NFATC4: variants seen among roughly 807,000 people sequenced by gnomAD.
NFATC4 encodes nuclear factor of activated T cells 4, also known as nuclear factor of activated T-cells, cytoplasmic 4.
A neutral mutation model predicts 73.4 loss-of-function variants in NFATC4; 25 were observed. The ratio of observed to expected loss-of-function variants is 0.34; its 90% CI spans 0.25 to 0.48. The LOEUF is 0.48. NFATC4 is among the 20% of genes least tolerant of loss of function. The pLI is 0.99. For missense variants in NFATC4, 1,130 were observed against 1,203.7 expected (o/e 0.94, Z 0.91); for synonymous variants, 523 against 510.3 (o/e 1.02, Z -0.34).
At position 24,376,794 on chromosome 14, in the gene NFATC4, G is replaced by T. The variant is rs751493993; in HGVS notation, c.2557G>T (p.Ala853Ser). 1.2e-6 allele frequency: 2 copies of T among 1,610,736 alleles called. No homozygotes were observed. Among genetic ancestry groups the T allele is most frequent in the East Asian group, 2.2e-5 (1 of 44,872 alleles). ...VGPGYGPGEG[A>S]PEQEKSRGGY... The stretch of plus-strand genomic sequence containing the variant: ...GCCAGGCTATGGCCCTGGGGAGGGG[G>T]CTCCGGAGCAGGAGAAATCCAGGGG... The change falls in exon 9 of 10, where the codon GCT (alanine) becomes TCT (serine). Residue 853 changes from alanine to serine, a missense_variant. Physicochemically the swap from Ala to Ser is moderately conservative, Grantham distance 99. This residue lies in a region of NFATC4 where 390 missense variants were observed against 408.1 expected (regional missense o/e 0.96). Transcript: ENST00000250373. This position sits in a 1 kb window ranked among gnomAD's most constrained non-coding sequence, Gnocchi z 5.0.
intron 5 of NFATC4, 138 bp from the exon 6 acceptor site, chr14:24,374,188 A>C: frequency 9.1e-7 from 1 of 1,098,398 alleles, no homozygotes; most frequent in African/African-American, 1.6e-5. Flanking sequence ...CATGGATATT[A>C]CTGGTTTATT....
chr14:24,370,717 C>A, intron 2 of NFATC4, 123 bp downstream of exon 2: 1 of 1,341,110 alleles, frequency 7.5e-7, no homozygotes, highest in Non-Finnish European at 1.0e-6. Context: ...GTATCTGCAA[C>A]CAGCTCAGCA....
intron 7 of NFATC4, 116 bp from the exon 8 acceptor site, chr14:24,375,859 T>A: frequency 6.4e-7 from 1 of 1,556,340 alleles, no homozygotes; most frequent in Non-Finnish European, 8.8e-7. Context: ...CTCTAGGGAA[T>A]GAACTTTGCA....
In NFATC4 at chr14:24,373,999, G is replaced by A; in HGVS notation, c.1732+132G>A. On this transcript the variant is annotated intron_variant, in intron 5 of 9. Coordinates refer to ENST00000250373, the MANE Select transcript of NFATC4 (RefSeq NM_004554.5). This position sits in a 1 kb window ranked among gnomAD's most constrained non-coding sequence, Gnocchi z 4.7. ...CCTGGGTAGCTCTATAGAGGACTCA[G>A]CTTCTTTCTATTCTAGTTTGCCCCT... 1 of 1,321,872 alleles carries A rather than the reference G, an allele frequency of 7.6e-7. No individual in the cohort carries two copies. Among genetic ancestry groups the A allele is most frequent in the Non-Finnish European group, 1.1e-6 (1 of 939,768 alleles). The allele number at this position is 1,321,872 out of a possible 1,614,324, so 81.9% of individuals were successfully genotyped here.
Position 24,373,077 on chromosome 14 carries a change from C to T in NFATC4, c.1360-94C>T. 1.6e-6 allele frequency: 2 copies of T among 1,263,230 alleles called. No individual in the cohort carries two copies. The highest frequency in any genetic ancestry group is 2.2e-6 in the Non-Finnish European group (2 of 897,980). 78.3% of individuals were successfully genotyped at this position (1,263,230 alleles called of 1,614,324 possible). Reference sequence around the variant, plus strand: ...TTGCAGGATATCCTTTATCTTTCACCATTCCCATCCCATGGTAGACTGAAA... The same window carrying T: ...TTGCAGGATATCCTTTATCTTTCACTATTCCCATCCCATGGTAGACTGAAA... On this transcript the variant is annotated intron_variant, in intron 3 of 9. Transcript: ENST00000250373. The surrounding 1 kb of genome is among the most constrained non-coding windows in gnomAD (Gnocchi z 4.7).
In NFATC4 at chr14:24,369,907, G is replaced by A. The variant is rs757207936; in HGVS notation, c.509G>A (p.Ser170Asn). The change falls in exon 2 of 10, where the codon AGC becomes AAC. Residue 170 changes from serine to asparagine, a missense_variant. Ser to Asn is a conservative substitution (Grantham distance 46, BLOSUM62 1). Transcript: ENST00000250373. ...GQGGGAFFSP[S>N]PGSSSLSSWS... ...GGTGGGGGGGCCTTCTTCAGCCCAAGCCCTGGCAGCAGCAGCCTGTCCTCG... is the reference window on the plus strand; with the variant it reads ...GGTGGGGGGGCCTTCTTCAGCCCAAACCCTGGCAGCAGCAGCCTGTCCTCG... The A allele has an allele frequency of 1.2e-6, 2 of 1,612,420 alleles. No individual in the cohort carries two copies. The highest frequency in any genetic ancestry group is 1.7e-6 in the Non-Finnish European group (2 of 1,179,738).
Position 24,370,058 on chromosome 14 carries a change from C to A in NFATC4, c.660C>A (p.Ala220=), listed in dbSNP as rs758196112. 2 of 1,607,704 alleles carry A rather than the reference C, an allele frequency of 1.2e-6. No homozygotes were observed. The highest frequency in any genetic ancestry group is 1.7e-6 in the Non-Finnish European group (2 of 1,179,832). ...GCTCCCCGCTGCCCTCGCCCCGGGCCTCCCCTCGGCCATGGACCCCCGAAG... is the reference window on the plus strand; with the variant it reads ...GCTCCCCGCTGCCCTCGCCCCGGGCATCCCCTCGGCCATGGACCCCCGAAG... ...GLGSPLPSPR[A]SPRPWTPEDP... Residue 220 remains alanine, a synonymous_variant, in exon 2 of 10, where the codon GCC becomes GCA. Transcript: ENST00000250373.
upstream of NFATC4, chr14:24,367,684 C>A (rs1360425466): frequency 6.5e-7 from 1 of 1,533,680 alleles, no homozygotes. Flanking sequence ...GCCTTTTCCT[C>A]TTCCGAGCAA....
chr14:24,376,256 C>T lies in NFATC4; in HGVS notation c.2057-38C>T, dbSNP rs2042611573. On this transcript the variant is annotated intron_variant, in intron 8 of 9. Transcript: ENST00000250373. This position sits in a 1 kb window ranked among gnomAD's most constrained non-coding sequence, Gnocchi z 5.0. ...GTGTGCAGTGGGGAGACTACCAGAC[C>T]TCTCACCAGCATGTCCTCCCACTTC... 1 of 1,556,660 alleles carries T rather than the reference C, an allele frequency of 6.4e-7. No homozygotes were observed. The highest frequency in any genetic ancestry group is 1.9e-5 in the Admixed American group (1 of 53,994).
At chr14:24,369,216 G>T in intron 1 of NFATC4, 1 of 1,532,414 alleles carries the variant, frequency 6.5e-7, no homozygotes, top group Non-Finnish European at 8.7e-7. Context: ...CCCAGCCCCA[G>T]CTCCAGCCCC....
At position 24,372,854 on chromosome 14, in the gene NFATC4, C is replaced by T. The variant is rs574826902; in HGVS notation, c.1359+251C>T. On this transcript the variant is annotated intron_variant, in intron 3 of 9. Coordinates refer to ENST00000250373, the MANE Select transcript of NFATC4 (RefSeq NM_004554.5). ...ATGTCTACTCTGGAAAATGGTGGCC[C>T]GCCAGATATGGGGGAGGGTTTAGGC... 4.4e-3 allele frequency: 2,650 copies of T among 607,960 alleles called. 90 individuals carry two copies. In the South Asian group the frequency reaches 0.047, roughly 11 times the overall value. The allele number at this position is 607,960 out of a possible 1,614,324, so 37.7% of individuals were successfully genotyped here.
At position 24,370,585 on chromosome 14, in the gene NFATC4, C is replaced by T; in HGVS notation, c.1187C>T (p.Pro396Leu). ...WSKARIGGHS[P>L]IFRTSALPPL... ...AAGGCCCGGATTGGGGGACACAGCCCTATCTTCAGGTGAGGGTTGCGCCTG... is the reference window on the plus strand; with the variant it reads ...AAGGCCCGGATTGGGGGACACAGCCTTATCTTCAGGTGAGGGTTGCGCCTG... The change falls in exon 2 of 10, where the codon CCT becomes CTT. Residue 396 changes from proline (P) to leucine (L), a missense_variant. Pro to Leu is a moderately conservative substitution (Grantham distance 98). This residue lies in a region of NFATC4 where 585 missense variants were observed against 574.3 expected (regional missense o/e 1.02). Transcript: ENST00000250373. 6.2e-7 allele frequency: 1 copy of T among 1,607,764 alleles called. No homozygotes were observed. The highest frequency in any genetic ancestry group is 8.5e-7 in the Non-Finnish European group (1 of 1,174,916).
Position 24,377,378 on chromosome 14 carries a change from C to A in NFATC4, c.2642-260C>A. On this transcript the variant is annotated intron_variant, in intron 9 of 9. Transcript: ENST00000250373. This position sits in a 1 kb window ranked among gnomAD's most constrained non-coding sequence, Gnocchi z 4.2. ...TCTGGCCCTGCTGATACCGATTCCC[C>A]TGACATTTCAGGCTAAGCCAGCAGG... 1 of 1,363,274 alleles carries A rather than the reference C, an allele frequency of 7.3e-7. No individual in the cohort carries two copies. The highest frequency in any genetic ancestry group is 9.4e-7 in the Non-Finnish European group (1 of 1,058,944). 84.4% of individuals were successfully genotyped at this position (1,363,274 alleles called of 1,614,324 possible).
Position 24,376,424 on chromosome 14 carries a change from C to A in NFATC4, c.2187C>A (p.Asp729Glu), listed in dbSNP as rs2042620533. 1.9e-6 allele frequency: 3 copies of A among 1,613,664 alleles called. No homozygotes were observed. The highest frequency in any genetic ancestry group is 2.5e-6 in the Non-Finnish European group (3 of 1,179,872). Residue 729 changes from aspartate (D) to glutamate (E), a missense_variant, in exon 9 of 10, where the codon GAC becomes GAA. Asp to Glu is a conservative substitution (Grantham distance 45). Coordinates refer to ENST00000250373, the MANE Select transcript of NFATC4 (RefSeq NM_004554.5). The surrounding 1 kb of genome is among the most constrained non-coding windows in gnomAD (Gnocchi z 5.0). ...RPPYPSYPHE[D>E]PACETPYLSE... Reference sequence around the variant, plus strand: ...CCTACCCCTCCTATCCCCATGAAGACCCTGCTTGCGAAACTCCTTACCTAT... The same window carrying A: ...CCTACCCCTCCTATCCCCATGAAGAACCTGCTTGCGAAACTCCTTACCTAT...
intron 2 of NFATC4, 143 bp downstream of exon 2, chr14:24,370,737 T>C: frequency 8.6e-7 from 1 of 1,156,848 alleles, no homozygotes; most frequent in Non-Finnish European, 1.2e-6. Context: ...AGCTGCCAAC[T>C]ACCTGGTTTT....
Position 24,372,250 on chromosome 14 carries a change from A to G in NFATC4, c.1197-191A>G, listed in dbSNP as rs993078900. 10 of 620,470 alleles carry G rather than the reference A, an allele frequency of 1.6e-5. No homozygotes were observed. In the Admixed American group the frequency reaches 1.9e-4, roughly 12 times the overall value. The allele number at this position is 620,470 out of a possible 1,614,324, so 38.4% of individuals were successfully genotyped here. On this transcript the variant is annotated intron_variant, in intron 2 of 9. Transcript: ENST00000250373. ...TGCTTCTGGACTTTTGGATTTCTTC[A>G]TTTCTTTGTCCTTTTTTTAGTTTAA...
chr14:24,375,011 G>C lies in NFATC4; in HGVS notation c.1873+545G>C, dbSNP rs937959060. ...TCACTTTGTCACCCAGGGGAGTGCA[G>C]TGATGCTGCAATCACGGCTCACTGC... On this transcript the variant is annotated intron_variant, in intron 6 of 9. Transcript: ENST00000250373. Among the ~76,000 whole-genome samples the C allele has an allele frequency of 2.0e-5, 3 of 152,090 alleles. No individual in the cohort carries two copies. In the East Asian group the frequency reaches 5.8e-4, roughly 29 times the overall value.
At position 24,373,090 on chromosome 14, in the gene NFATC4, T is replaced by C. The variant is rs1202073978; in HGVS notation, c.1360-81T>C. ...TTTATCTTTCACCATTCCCATCCCA[T>C]GGTAGACTGAAAATCTAGGGATGAA... On this transcript the variant is annotated intron_variant, in intron 3 of 9. Coordinates refer to ENST00000250373, the MANE Select transcript of NFATC4 (RefSeq NM_004554.5). The surrounding 1 kb of genome is among the most constrained non-coding windows in gnomAD (Gnocchi z 4.7). The C allele has an allele frequency of 5.0e-6, 7 of 1,388,432 alleles. No individual in the cohort carries two copies. The East Asian group carries it at 1.4e-4, about 28-fold the overall frequency. The allele number at this position is 1,388,432 out of a possible 1,614,324, so 86.0% of individuals were successfully genotyped here.
In NFATC4 at chr14:24,373,837, G is replaced by A. The variant is rs926989284; in HGVS notation, c.1702G>A (p.Val568Ile). The change falls in exon 5 of 10, where the codon GTA becomes ATA. Residue 568 changes from valine to isoleucine, a missense_variant. Val to Ile is a conservative substitution (Grantham distance 29). Coordinates refer to ENST00000250373, the MANE Select transcript of NFATC4 (RefSeq NM_004554.5). The surrounding 1 kb of genome is among the most constrained non-coding windows in gnomAD (Gnocchi z 4.7). ...CCAGGGCGGCGGGAAGGTCGTCTCA[G>A]TACAGGCAGCATCGGTGCCCATCGA... is the stretch of plus-strand genomic sequence containing the variant. ...VPQGGGKVVSVQAASVPIECS... is the reference protein window; with the variant it reads ...VPQGGGKVVSIQAASVPIECS... 5 of 1,613,958 alleles carry A rather than the reference G, an allele frequency of 3.1e-6. No homozygotes were observed. Among genetic ancestry groups the A allele is most frequent in the African/African-American group, 2.7e-5 (2 of 74,934 alleles).
Sources: allele counts gnomAD v4.1 joint callset (sites outside exome capture counted in the v4.1 genomes callset), GRCh38; gene constraint gnomAD v4.1.1; regional missense constraint gnomAD v4.1.1; non-coding constraint Gnocchi (gnomAD v3.1); transcripts MANE v1.5; gene names NCBI Gene and HGNC (gene_info 2026-07-23, HGNC 2026-07-21).